MDM4: variants seen among roughly 807,000 people sequenced by gnomAD.
MDM4 encodes the protein MDM4 regulator of p53, also known as protein Mdm4.
Under a neutral mutation model 60.2 loss-of-function variants are expected in MDM4, and 2 were observed. The observed-to-expected ratio is 0.03, with a 90% CI of 0.01 to 0.10. The LOEUF is 0.10. Ranked by LOEUF, MDM4 falls within the 10% of genes least tolerant of loss-of-function variation. MDM4 has a pLI of 1.00. For synonymous variants in MDM4, 202 were observed against 198.1 expected, an observed-to-expected ratio of 1.02 and a Z score of -0.17; for missense variants, 447 against 577.5, an observed-to-expected ratio of 0.77 and a Z score of 2.32.
rs1663189160 is a variant in MDM4 at position 204,551,435 on chromosome 1, T to A, written c.*1753T>A. On this transcript the variant is annotated 3_prime_UTR_variant, in exon 11 of 11. Coordinates refer to ENST00000367182, the MANE Select transcript of MDM4 (RefSeq NM_002393.5). ...CTTACACCAAGGCAATACGCCTTGA[T>A]ATACTGGATGGTTGAGAGGCAGCCT... The A allele has an allele frequency of 4.5e-6, 1 of 220,968 alleles. No individual in the cohort carries two copies. The highest frequency in any genetic ancestry group is 5.9e-5 in the Admixed American group (1 of 17,064). The allele number at this position is 220,968 out of a possible 1,614,324, so 13.7% of individuals were successfully genotyped here.
At chr1:204,543,545 A>G (rs1256066388) in intron 8 of MDM4, among the ~76,000 whole-genome samples, 2 of 152,212 alleles carry the variant, frequency 1.3e-5, no homozygotes, top group Non-Finnish European at 2.9e-5. Flanking sequence ...TTTCTGGAAC[A>G]CTGTTCCCCC....
chr1:204,548,009 A>G (rs770097700), intron 10 of MDM4, among the ~76,000 whole-genome samples: 1 of 152,246 alleles, frequency 6.6e-6, no homozygotes, highest in African/African-American at 2.4e-5. Flanking sequence ...GGCGTGAGCC[A>G]CCACTCCCGG....
intron 7 of MDM4, among the ~76,000 whole-genome samples, chr1:204,540,785 CT>C (rs1558328818): frequency 1.3e-5 from 2 of 152,010 alleles, no homozygotes; most frequent in African/African-American, 2.4e-5. Context: ...AAAAAAAACA[CT>C]TTCTAAAATT....
rs1336329134 is a variant in MDM4, at chr1:204,551,840, A to G, written c.*2158A>G. ...CAAGTGTTCCTGGAATCTCTATGCA[A>G]GTTTTATACAGAACATACTTTTGGA... On this transcript the variant is annotated 3_prime_UTR_variant, in exon 11 of 11. Transcript: ENST00000367182. 1 of 215,436 alleles carries G rather than the reference A, an allele frequency of 4.6e-6. No individual in the cohort carries two copies. The highest frequency in any genetic ancestry group is 9.3e-6 in the Non-Finnish European group (1 of 106,964). 13.3% of individuals were successfully genotyped at this position (215,436 alleles called of 1,614,324 possible).
intron 1 of MDM4, among the ~76,000 whole-genome samples, chr1:204,520,273 A>G (rs1447626109): frequency 1.4e-5 from 2 of 139,910 alleles, no homozygotes; most frequent in Admixed American, 7.2e-5. Flanking sequence ...GCGAGACTCC[A>G]TCTCAAAAAA....
chr1:204,520,288 A>G lies in MDM4; in HGVS notation c.-36+3779A>G, dbSNP rs577992931. Among the ~76,000 whole-genome samples the G allele has an allele frequency of 3.2e-3, 494 of 152,048 alleles. 3 individuals are homozygous for G. Among genetic ancestry groups the G allele is most frequent in the Non-Finnish European group, 4.6e-3 (310 of 67,980 alleles). On this transcript the variant is annotated intron_variant, in intron 1 of 10. Transcript: ENST00000367182. ...GCGAGACTCCATCTCAAAAAAAAAA[A>G]AAAAAAAATGAATTTTGATATGACA... is the stretch of plus-strand genomic sequence containing the variant.
At chr1:204,516,916 A>G (rs776779361) in intron 1 of MDM4, among the ~76,000 whole-genome samples, 8 of 152,052 alleles carry the variant, frequency 5.3e-5, no homozygotes, top group Non-Finnish European at 1.0e-4. Flanking sequence ...CGGACAGTCT[A>G]CCTTAGAGGC....
At chr1:204,535,098 G>A (rs1252667248) in intron 5 of MDM4, among the ~76,000 whole-genome samples, 1 of 151,224 alleles carries the variant, frequency 6.6e-6, no homozygotes, top group African/African-American at 2.4e-5. Flanking sequence ...TTATACCTTT[G>A]CAAATGGGTT....
Position 204,526,709 on chromosome 1 carries a change from C to T in MDM4, c.153+275C>T, listed in dbSNP as rs187174746. On this transcript the variant is annotated intron_variant, in intron 3 of 10. Transcript: ENST00000367182. ...CAGTCTCCTGACCTCATGATCCATCCGCCTTGGCCTCCCAAAGTGCTGGGA... is the reference window on the plus strand; with the variant it reads ...CAGTCTCCTGACCTCATGATCCATCTGCCTTGGCCTCCCAAAGTGCTGGGA... Among the ~76,000 whole-genome samples the T allele has an allele frequency of 1.4e-4, 22 of 152,184 alleles. No homozygotes were observed. The East Asian group carries it at 2.3e-3, about 16-fold the overall frequency.
In MDM4 at chr1:204,517,013, G is replaced by T. The variant is rs1572435395; in HGVS notation, c.-36+504G>T. ...CCAGCACTTCAGGAGGCCGAGGTGG[G>T]TGGATCTACCTGAGGACAGGAGTTC... is the stretch of plus-strand genomic sequence containing the variant. On this transcript the variant is annotated intron_variant, in intron 1 of 10. Coordinates refer to ENST00000367182, the MANE Select transcript of MDM4 (RefSeq NM_002393.5). 2.6e-5 allele frequency among the ~76,000 whole-genome samples: 4 copies of T among 152,158 alleles called. No homozygotes were observed. In the South Asian group the frequency reaches 8.3e-4, roughly 32 times the overall value.
At chr1:204,521,947 G>A (rs1659610190) in intron 1 of MDM4, among the ~76,000 whole-genome samples, 1 of 152,160 alleles carries the variant, frequency 6.6e-6, no homozygotes, top group Non-Finnish European at 1.5e-5. Context: ...AAGCGGTTGG[G>A]AGTTTTAGTT....
chr1:204,525,377 A>T, intron 1 of MDM4, 107 bp from the exon 2 acceptor site: 1 of 1,432,204 alleles, frequency 7.0e-7, no homozygotes, highest in Non-Finnish European at 9.1e-7. Context: ...GTGCTCCATT[A>T]TATGTGTCAT....
intron 1 of MDM4, among the ~76,000 whole-genome samples, chr1:204,518,901 A>G (rs529483986): frequency 5.9e-5 from 9 of 152,266 alleles, no homozygotes; most frequent in African/African-American, 1.4e-4. Flanking sequence ...CCTGGCCTCA[A>G]TCTGCCTGCC....
At chr1:204,549,031 G>A (rs1662947273) in intron 10 of MDM4, 82 bp from the exon 11 acceptor site, 2 of 840,614 alleles carry the variant, frequency 2.4e-6, no homozygotes, top group East Asian at 2.4e-5. Context: ...GTGAGAGGAT[G>A]TGAATGAATT....
Position 204,550,430 on chromosome 1 carries a change from G to T in MDM4, c.*748G>T, listed in dbSNP as rs761212138. 4.3e-5 allele frequency: 9 copies of T among 208,086 alleles called. No individual in the cohort carries two copies. The highest frequency in any genetic ancestry group is 6.8e-5 in the Non-Finnish European group (7 of 102,352). 12.9% of individuals were successfully genotyped at this position (208,086 alleles called of 1,614,324 possible). A position where few individuals can be genotyped will look rare whatever the true frequency, so the allele number is the denominator to read the frequency against. On this transcript the variant is annotated 3_prime_UTR_variant, in exon 11 of 11. Transcript: ENST00000367182. ...TCCTCCCGCCTCAGCCTTCCAAATT[G>T]CTGGGATTATAGTCATGAGGCACCT... is the stretch of plus-strand genomic sequence containing the variant.
intron 9 of MDM4, among the ~76,000 whole-genome samples, chr1:204,545,430 CAG>C (rs1558333572): frequency 6.6e-6 from 1 of 152,084 alleles, no homozygotes; most frequent in Non-Finnish European, 1.5e-5. Flanking sequence ...GCTCAAGACT[CAG>C]AAGAAATTGG....
At chr1:204,537,928 A>G (rs1661584304) in intron 6 of MDM4, 1 of 702,570 alleles carries the variant, frequency 1.4e-6, no homozygotes, top group South Asian at 1.4e-5. Context: ...CTAATTTTGT[A>G]GTAGACTGGA....
intron 2 of MDM4, 84 bp from the exon 3 acceptor site, chr1:204,526,276 G>A: frequency 8.5e-7 from 1 of 1,171,872 alleles, no homozygotes; most frequent in Non-Finnish European, 1.2e-6. Flanking sequence ...AGCGGGGGGA[G>A]CTGTTTAAAG....
At chr1:204,520,481 T>C (rs1419475739) in intron 1 of MDM4, among the ~76,000 whole-genome samples, 1 of 150,948 alleles carries the variant, frequency 6.6e-6, no homozygotes, top group Non-Finnish European at 1.5e-5. Context: ...ATGAAAACAA[T>C]AGGGTTCAGG....
Sources: gnomAD v4.1 joint callset for allele counts (sites outside exome capture counted in the v4.1 genomes callset) on GRCh38, gnomAD v4.1.1 for gene constraint, MANE v1.5 for transcripts, NCBI Gene and HGNC (gene_info 2026-07-23, HGNC 2026-07-21) for gene names.